Variants in SCIN observed in about 807,000 individuals in gnomAD.
SCIN encodes adseverin.
A neutral mutation model predicts 91.8 loss-of-function variants in SCIN; 91 were observed. The ratio of observed to expected loss-of-function variants is 0.99; its 90% CI spans 0.84 to 1.18. SCIN has a LOEUF of 1.18. Ranked by LOEUF, SCIN falls within the 50% of genes most tolerant of loss-of-function variation. SCIN has a pLI of 0.00. For missense variants in SCIN, 1,087 were observed against 863.9 expected (o/e 1.26, Z -3.24); for synonymous variants, 367 against 312.6 (o/e 1.17, Z -1.84).
intron 3 of SCIN, among the ~76,000 whole-genome samples, chr7:12,594,246 G>C (rs945107761): frequency 6.6e-6 from 1 of 152,002 alleles, no homozygotes; most frequent in Non-Finnish European, 1.5e-5. Context: ...TGCTCTGGTG[G>C]AGGATCATGA....
intron 10 of SCIN, among the ~76,000 whole-genome samples, chr7:12,637,299 A>T (rs1300213512): frequency 1.3e-5 from 2 of 152,234 alleles, no homozygotes; most frequent in Non-Finnish European, 2.9e-5. Flanking sequence ...AATCGTAAAC[A>T]TGCGTAAGTT....
intron 3 of SCIN, among the ~76,000 whole-genome samples, chr7:12,592,210 G>T (rs1410479374): frequency 6.6e-6 from 1 of 151,776 alleles, no homozygotes; most frequent in Non-Finnish European, 1.5e-5. Flanking sequence ...CAGTGTAGAG[G>T]GTGGTGTTGG....
rs1473046905 is a variant in SCIN at position 12,654,934 on chromosome 7, A to T, written c.*2219A>T. 1 of 152,336 alleles carries T rather than the reference A, an allele frequency of 6.6e-6. No homozygotes were observed. The highest frequency in any genetic ancestry group is 2.1e-4 in the South Asian group (1 of 4,822). 9.4% of individuals were successfully genotyped at this position (152,336 alleles called of 1,614,324 possible). A position where few individuals can be genotyped will look rare whatever the true frequency, so the allele number is the denominator to read the frequency against. On this transcript the variant is annotated 3_prime_UTR_variant, in exon 16 of 16. Coordinates refer to ENST00000297029, the MANE Select transcript of SCIN (RefSeq NM_001112706.3). ...TCTGAATGCATCACGGCAAAGATGC[A>T]TGTACTCATGAAGCATAAAATTAAA...
At chr7:12,609,715 T>C (rs573672782) in intron 4 of SCIN, among the ~76,000 whole-genome samples, 13 of 152,158 alleles carry the variant, frequency 8.5e-5, no homozygotes, top group Non-Finnish European at 1.3e-4. Context: ...CTATAATCAT[T>C]GTAAATGCTG....
chr7:12,615,366 G>A (rs941139570), intron 4 of SCIN, among the ~76,000 whole-genome samples: 1 of 152,016 alleles, frequency 6.6e-6, no homozygotes, highest in Non-Finnish European at 1.5e-5. Flanking sequence ...TCTCGTGATA[G>A]TGAGGGAGTT....
chr7:12,636,028 C>T lies in SCIN; in HGVS notation c.1320-17C>T. ...AACTTAAAGGCAAGCTAATTCGTTTCACTTTCATTCCTCTAGGCAAGGAGC... is the reference window on the plus strand; with the variant it reads ...AACTTAAAGGCAAGCTAATTCGTTTTACTTTCATTCCTCTAGGCAAGGAGC... On this transcript the variant is annotated splice_polypyrimidine_tract_variant and intron_variant, in intron 9 of 15. Transcript: ENST00000297029. 6.3e-7 allele frequency: 1 copy of T among 1,599,140 alleles called. No individual in the cohort carries two copies. The highest frequency in any genetic ancestry group is 8.5e-7 in the Non-Finnish European group (1 of 1,169,672).
chr7:12,652,721 T>G lies in SCIN; in HGVS notation c.*6T>G. On this transcript the variant is annotated 3_prime_UTR_variant, in exon 16 of 16. Transcript: ENST00000297029. ...GGGATTCCAGCAAGTGGTAAATTGG[T>G]ATTTGTAAAAAGCAAACAAACATTA... is the stretch of plus-strand genomic sequence containing the variant. 6.2e-7 allele frequency: 1 copy of G among 1,601,196 alleles called. No homozygotes were observed. The highest frequency in any genetic ancestry group is 8.5e-7 in the Non-Finnish European group (1 of 1,176,162).
At chr7:12,628,968 T>C (rs974471630) in intron 8 of SCIN, 133 bp from the exon 9 acceptor site, 13 of 758,914 alleles carry the variant, frequency 1.7e-5, no homozygotes, top group Non-Finnish European at 2.6e-5. Flanking sequence ...CTTTGCTTGA[T>C]TTGTAAACTA....
chr7:12,600,927 T>G (rs1197677674), intron 3 of SCIN, among the ~76,000 whole-genome samples: 2 of 152,202 alleles, frequency 1.3e-5, no homozygotes, highest in East Asian at 3.8e-4. Flanking sequence ...TTGTAACTGC[T>G]AACTTTGTCA....
intron 2 of SCIN, among the ~76,000 whole-genome samples, chr7:12,579,040 G>T (rs1427572981): frequency 3.3e-5 from 5 of 150,454 alleles, no homozygotes; most frequent in African/African-American, 2.5e-5. Context: ...AAACATCACA[G>T]ATTTCCGAAA....
At chr7:12,577,920 A>AT in intron 1 of SCIN, 144 bp from the exon 2 acceptor site, 1 of 703,004 alleles carries the variant, frequency 1.4e-6, no homozygotes, top group Non-Finnish European at 2.2e-6. Context: ...TACATACAGT[A>AT]TTTTAGCTAA....
At chr7:12,594,246 G>A (rs945107761) in intron 3 of SCIN, among the ~76,000 whole-genome samples, 1 of 152,002 alleles carries the variant, frequency 6.6e-6, no homozygotes, top group Non-Finnish European at 1.5e-5. Flanking sequence ...TGCTCTGGTG[G>A]AGGATCATGA....
intron 8 of SCIN, among the ~76,000 whole-genome samples, 156 bp from the exon 9 acceptor site, chr7:12,628,945 T>C (rs1382756370): frequency 6.6e-6 from 1 of 152,166 alleles, no homozygotes; most frequent in Non-Finnish European, 1.5e-5. Context: ...AATTGGCAAA[T>C]CGATAACAAT....
intron 3 of SCIN, among the ~76,000 whole-genome samples, chr7:12,603,483 C>T (rs1442563401): frequency 6.6e-6 from 1 of 152,054 alleles, no homozygotes; most frequent in South Asian, 2.1e-4. Context: ...CTTAAAAAAC[C>T]TGTGTCAGTT....
rs1270449570 is a variant in SCIN, at chr7:12,657,853, T to G, written c.*5138T>G. 1 of 151,976 alleles carries G rather than the reference T, an allele frequency of 6.6e-6. No individual in the cohort carries two copies. The highest frequency in any genetic ancestry group is 1.9e-4 in the East Asian group (1 of 5,158). The allele number at this position is 151,976 out of a possible 1,614,324, so 9.4% of individuals were successfully genotyped here. On this transcript the variant is annotated 3_prime_UTR_variant, in exon 16 of 16. Coordinates refer to ENST00000297029, the MANE Select transcript of SCIN (RefSeq NM_001112706.3). ...GTCTCCATTTCTTCGGAATGATAAT[T>G]TCTAATATACTTTTCTTCTATTATA...
At chr7:12,589,053 G>A (rs1349164996) in intron 3 of SCIN, 2 of 151,974 alleles carry the variant, frequency 1.3e-5, no homozygotes, top group East Asian at 1.9e-4. Flanking sequence ...GCTCTAACAC[G>A]GCCCTGTAAA....
At chr7:12,608,374 A>T (rs1319241404) in intron 4 of SCIN, among the ~76,000 whole-genome samples, 1 of 151,720 alleles carries the variant, frequency 6.6e-6, no homozygotes, top group Non-Finnish European at 1.5e-5. Context: ...AAAATTTGAA[A>T]ATGTCATTTC....
chr7:12,624,040 A>G (rs1249155682), intron 5 of SCIN, among the ~76,000 whole-genome samples: 1 of 152,226 alleles, frequency 6.6e-6, no homozygotes, highest in African/African-American at 2.4e-5. Context: ...TGAACTAAAG[A>G]AGTATTTTTA....
intron 11 of SCIN, among the ~76,000 whole-genome samples, chr7:12,642,282 C>A (rs553958150): frequency 1.3e-5 from 2 of 152,076 alleles, no homozygotes; most frequent in African/African-American, 2.4e-5. Context: ...TCTGTCTTTC[C>A]CGTGCATTTA....
Sources: allele counts gnomAD v4.1 joint callset (sites outside exome capture counted in the v4.1 genomes callset), GRCh38; gene constraint gnomAD v4.1.1; transcripts MANE v1.5; gene names NCBI Gene and HGNC (gene_info 2026-07-23, HGNC 2026-07-21).